The following USP39 variants were observed in gnomAD, a reference collection of about 807,000 sequenced individuals.
USP39 encodes ubiquitin carboxyl-terminal hydrolase 39.
USP39 carries 38 observed loss-of-function variants against 66.4 expected under a neutral mutation model. The observed-to-expected ratio is 0.57, with a 90% confidence interval of 0.44 to 0.75. USP39 has a LOEUF of 0.75. Among genes scored for constraint, USP39 ranks in the 30% least tolerant of loss-of-function variants. The pLI, the probability that USP39 is intolerant of heterozygous loss-of-function variation, is 0.00. For synonymous variants in USP39, 303 were observed against 274.6 expected, an observed-to-expected ratio of 1.10 and a Z score of -1.02; for missense variants, 608 against 714.4, an observed-to-expected ratio of 0.85 and a Z score of 1.70.
chr2:85,625,297 C>G (rs1276864722), intron 4 of USP39, among the ~76,000 whole-genome samples: 2 of 152,076 alleles, frequency 1.3e-5, no homozygotes, highest in Admixed American at 6.6e-5. Flanking sequence ...GACCTGAGGT[C>G]GGCGAAAAGA....
chr2:85,611,638 GCTGGAGGCAGGCGGGGCGGGCGGC>G, upstream of USP39: 1 of 1,565,888 alleles, frequency 6.4e-7, no homozygotes, highest in Non-Finnish European at 8.7e-7. Context: ...GAGCGCGCGG[GCTGGAGGCAGGCGGGGCGGGCGGC>G]CTCACCTCGG....
intron 5 of USP39, among the ~76,000 whole-genome samples, chr2:85,628,492 G>A (rs1174626676): frequency 6.6e-6 from 1 of 152,140 alleles, no homozygotes; most frequent in Non-Finnish European, 1.5e-5. Flanking sequence ...GATTTGGTCA[G>A]AGCTGTTAGT....
At chr2:85,646,746 C>T (rs1400616536) in intron 11 of USP39, among the ~76,000 whole-genome samples, 2 of 152,182 alleles carry the variant, frequency 1.3e-5, no homozygotes, top group Non-Finnish European at 2.9e-5. Flanking sequence ...AATCTAGAAA[C>T]ATTTTTTCCT....
At chr2:85,611,279 A>C, upstream of USP39, 1 of 1,412,084 alleles carries the variant, frequency 7.1e-7, no homozygotes, top group Non-Finnish European at 9.2e-7. Context: ...AACCAGTGTG[A>C]TCTCTAGGTA....
intron 9 of USP39, 43 bp from the exon 10 acceptor site, chr2:85,640,933 T>G (rs766548847): frequency 1.3e-6 from 2 of 1,567,012 alleles, no homozygotes; most frequent in Non-Finnish European, 1.7e-6. Flanking sequence ...CTAATACTAC[T>G]GAACTTCAGC....
chr2:85,617,946 C>T (rs1174511283), intron 1 of USP39, among the ~76,000 whole-genome samples: 1 of 141,530 alleles, frequency 7.1e-6, no homozygotes, highest in Non-Finnish European at 1.5e-5. Context: ...TTTATAGATA[C>T]ACATGTACAT....
At chr2:85,640,314 A>C (rs571295664) in intron 9 of USP39, among the ~76,000 whole-genome samples, 68 of 147,262 alleles carry the variant, frequency 4.6e-4, no homozygotes, top group Non-Finnish European at 7.9e-4. Context: ...TTTGAGATGG[A>C]GTCTCACTCT....
chr2:85,636,423 T>C (rs955004239), intron 7 of USP39, among the ~76,000 whole-genome samples: 9 of 152,216 alleles, frequency 5.9e-5, no homozygotes, highest in Non-Finnish European at 2.9e-5. Context: ...CTAGTATCTA[T>C]GTTATAGATA....
chr2:85,622,562 T>A (rs1015382383), intron 3 of USP39, among the ~76,000 whole-genome samples: 3 of 151,694 alleles, frequency 2.0e-5, no homozygotes, highest in African/African-American at 7.3e-5. Context: ...GTCTGGCTAA[T>A]TATTTTATTT....
upstream of USP39, among the ~76,000 whole-genome samples, chr2:85,613,327 T>G (rs1673696897): frequency 6.6e-6 from 1 of 151,776 alleles, no homozygotes; most frequent in African/African-American, 2.4e-5. Flanking sequence ...GCCAAAATGG[T>G]GAAACCCCGT....
intron 11 of USP39, among the ~76,000 whole-genome samples, chr2:85,646,434 C>T (rs1484739939): frequency 2.6e-5 from 4 of 152,168 alleles, no homozygotes; most frequent in African/African-American, 4.8e-5. Flanking sequence ...AGACAGATGT[C>T]AGTATCATCT....
At position 85,623,665 on chromosome 2, in the gene USP39, C is replaced by T. The variant is rs141013382; in HGVS notation, c.453C>T (p.His151=). ...CTACAGGCCGGGGTTTGAAGTCTCACGCCTACATTCACAGTGTCCAGTTTA... is the reference window on the plus strand; with the variant it reads ...CTACAGGCCGGGGTTTGAAGTCTCATGCCTACATTCACAGTGTCCAGTTTA... The part of the protein sequence containing the change: ...KYFQGRGLKS[H]AYIHSVQFSH... Residue 151 remains histidine (H), a synonymous_variant, in exon 4 of 13, where the codon CAC becomes CAT. Coordinates refer to ENST00000323701, the MANE Select transcript of USP39 (RefSeq NM_006590.4). 9.1e-5 allele frequency: 147 copies of T among 1,613,416 alleles called. No individual in the cohort carries two copies. Among genetic ancestry groups the T allele is most frequent in the Admixed American group, 2.3e-4 (14 of 59,866 alleles).
At chr2:85,621,454 C>G in intron 2 of USP39, 31 bp from the exon 3 acceptor site, 1 of 1,599,222 alleles carries the variant, frequency 6.3e-7, no homozygotes, top group Non-Finnish European at 8.6e-7. Flanking sequence ...CATGTCCATC[C>G]TATTTATTTT....
Position 85,621,480 on chromosome 2 carries a change from CT to C in USP39, c.339-3del. ...TATTTATTTTTTTCTGTTTTGTTTC[CT>C]TAGGAGTGTGCTGGACTTTGACTTT... On this transcript the variant is annotated splice_polypyrimidine_tract_variant and splice_region_variant and intron_variant, in intron 2 of 12. Coordinates refer to ENST00000323701, the MANE Select transcript of USP39 (RefSeq NM_006590.4). 6.2e-7 allele frequency: 1 copy of C among 1,613,598 alleles called. No individual in the cohort carries two copies. The highest frequency in any genetic ancestry group is 8.5e-7 in the Non-Finnish European group (1 of 1,179,690).
chr2:85,647,929 G>C lies in USP39; in HGVS notation c.1564-1G>C, dbSNP rs1676773902. On this transcript the variant is annotated splice_acceptor_variant, in intron 11 of 12. Transcript: ENST00000323701. LOFTEE classifies it high-confidence loss of function. ...AACCCAGCTCTTCATACTTTCTGCAGGGGACAGGCAAATGGTATGAATTAC... is the reference window on the plus strand; with the variant it reads ...AACCCAGCTCTTCATACTTTCTGCACGGGACAGGCAAATGGTATGAATTAC... The C allele has an allele frequency of 1.2e-6, 2 of 1,613,990 alleles. No individual in the cohort carries two copies. The highest frequency in any genetic ancestry group is 2.7e-5 in the African/African-American group (2 of 74,916).
chr2:85,613,675 A>T (rs931491143), upstream of USP39, among the ~76,000 whole-genome samples: 2 of 151,528 alleles, frequency 1.3e-5, no homozygotes, highest in Non-Finnish European at 2.9e-5. Context: ...GACTCTAGGA[A>T]GTGCAAACTA....
At chr2:85,631,598 C>T (rs527741571) in intron 6 of USP39, among the ~76,000 whole-genome samples, 2 of 152,060 alleles carry the variant, frequency 1.3e-5, no homozygotes, top group Non-Finnish European at 2.9e-5. Flanking sequence ...AATAGAAAGT[C>T]GGTCTTATTT....
intron 4 of USP39, among the ~76,000 whole-genome samples, chr2:85,625,020 C>T (rs7569073): frequency 0.1 from 15,300 of 151,514 alleles, 856 homozygotes; most frequent in South Asian, 0.18. Flanking sequence ...GGGCTAAATT[C>T]AGTGTTTCAA....
At chr2:85,641,500 C>G (rs1212673772) in intron 10 of USP39, among the ~76,000 whole-genome samples, 1 of 152,192 alleles carries the variant, frequency 6.6e-6, no homozygotes, top group East Asian at 1.9e-4. Flanking sequence ...TAGAGTTGTA[C>G]TAGATGCTTT....
Sources: gnomAD v4.1 joint callset for allele counts (sites outside exome capture counted in the v4.1 genomes callset) on GRCh38, gnomAD v4.1.1 for gene constraint, MANE v1.5 for transcripts, NCBI Gene and HGNC (gene_info 2026-07-23, HGNC 2026-07-21) for gene names.